EML4: variants seen among roughly 807,000 people sequenced by gnomAD.
EML4 encodes echinoderm microtubule-associated protein-like 4.
Under a neutral mutation model 129.0 loss-of-function variants are expected in EML4, and 72 were observed. The ratio of observed to expected loss-of-function variants is 0.56; its 90% CI spans 0.46 to 0.68. EML4 has a LOEUF of 0.68. Among genes scored for constraint, EML4 ranks in the 30% least tolerant of loss-of-function variants. The pLI is 0.00. For synonymous variants in EML4, 532 were observed against 405.0 expected (o/e 1.31, Z -3.77); for missense variants, 1,363 against 1,190.6 (o/e 1.14, Z -2.13).
At chr2:42,312,894 C>T (rs1186839052) in intron 17 of EML4, among the ~76,000 whole-genome samples, 1 of 149,740 alleles carries the variant, frequency 6.7e-6, no homozygotes, top group East Asian at 2.0e-4. Flanking sequence ...AACCTGGAAG[C>T]CCCCACCTAC....
At chr2:42,192,198 C>G (rs1400227379) in intron 1 of EML4, among the ~76,000 whole-genome samples, 5 of 138,412 alleles carry the variant, frequency 3.6e-5, no homozygotes, top group Admixed American at 1.4e-4. Context: ...GAAAGTTACT[C>G]TTTTCTTTGC....
chr2:42,270,824 G>A lies in EML4; in HGVS notation c.667+6093G>A, dbSNP rs138888573. 2.1e-3 allele frequency among the ~76,000 whole-genome samples: 317 copies of A among 152,330 alleles called. 2 individuals carry two copies. Among genetic ancestry groups the A allele is most frequent in the African/African-American group, 7.4e-3 (306 of 41,576 alleles). On this transcript the variant is annotated intron_variant, in intron 6 of 22. Coordinates refer to ENST00000318522, the MANE Select transcript of EML4 (RefSeq NM_019063.5). ...GAATTTAGGAAGAAGTTTGTTGAGTGTGGATAAACAGAAAGGACGGAAGAC... is the reference window on the plus strand; with the variant it reads ...GAATTTAGGAAGAAGTTTGTTGAGTATGGATAAACAGAAAGGACGGAAGAC...
At chr2:42,175,049 T>C (rs1019003309) in intron 1 of EML4, among the ~76,000 whole-genome samples, 7 of 151,914 alleles carry the variant, frequency 4.6e-5, no homozygotes, top group Non-Finnish European at 8.8e-5. Context: ...ACTCCTGACC[T>C]TGTGTGATCC....
At chr2:42,229,246 TTTAA>T (rs1274909429) in intron 1 of EML4, among the ~76,000 whole-genome samples, 3 of 152,198 alleles carry the variant, frequency 2.0e-5, no homozygotes, top group African/African-American at 7.2e-5. Flanking sequence ...ATTTATCTAA[TTTAA>T]TTTTCTATAA....
chr2:42,242,549 C>T (rs999016405), intron 1 of EML4, among the ~76,000 whole-genome samples: 1 of 151,986 alleles, frequency 6.6e-6, no homozygotes, highest in African/African-American at 2.4e-5. Flanking sequence ...AACTCTACCT[C>T]TGGGAAATTC....
chr2:42,169,798 A>C, intron 1 of EML4, 162 bp downstream of exon 1: 1 of 688,306 alleles, frequency 1.5e-6, no homozygotes, highest in Middle Eastern at 2.6e-4. Context: ...ACTCCGGTGG[A>C]CTGAGGGCCC....
chr2:42,279,320 T>C (rs1666869818), intron 6 of EML4, among the ~76,000 whole-genome samples: 1 of 152,192 alleles, frequency 6.6e-6, no homozygotes, highest in African/African-American at 2.4e-5. Context: ...AGTAGTGGGA[T>C]TGCAGCATCA....
chr2:42,269,670 A>G (rs999101606), intron 6 of EML4, among the ~76,000 whole-genome samples: 2 of 152,214 alleles, frequency 1.3e-5, no homozygotes, highest in African/African-American at 4.8e-5. Context: ...GATAACTGTA[A>G]AAAGGATTTT....
intron 1 of EML4, among the ~76,000 whole-genome samples, chr2:42,209,519 T>A (rs1672758229): frequency 6.6e-6 from 1 of 152,214 alleles, no homozygotes; most frequent in South Asian, 2.1e-4. Context: ...TAAAAAGGAT[T>A]TCCTCATAAA....
chr2:42,326,940 A>G (rs1043302679), intron 21 of EML4, among the ~76,000 whole-genome samples: 2 of 152,146 alleles, frequency 1.3e-5, no homozygotes, highest in Admixed American at 1.3e-4. Flanking sequence ...GTGACCATCA[A>G]GGTCTAATTT....
chr2:42,252,112 C>G lies in EML4; in HGVS notation c.209-4389C>G, dbSNP rs573403688. On this transcript the variant is annotated intron_variant, in intron 2 of 22. Transcript: ENST00000318522. Reference sequence around the variant, plus strand: ...AAGAAGATAATATGTACCGGAGTAGCAAGAAGGATTTCAGATTTTGAGCTT... The same window carrying G: ...AAGAAGATAATATGTACCGGAGTAGGAAGAAGGATTTCAGATTTTGAGCTT... Among the ~76,000 whole-genome samples, 19 of 152,266 alleles carry G rather than the reference C, an allele frequency of 1.2e-4. 1 individual carries two copies. The highest frequency in any genetic ancestry group is 1.2e-3 in the Admixed American group (18 of 15,292).
At chr2:42,218,580 A>T (rs1009117395) in intron 1 of EML4, among the ~76,000 whole-genome samples, 3 of 152,042 alleles carry the variant, frequency 2.0e-5, no homozygotes, top group African/African-American at 2.4e-5. Flanking sequence ...ATGTATATGG[A>T]TCTTCCTGAG....
chr2:42,221,044 T>G (rs984466474), intron 1 of EML4, among the ~76,000 whole-genome samples: 1 of 152,128 alleles, frequency 6.6e-6, no homozygotes, highest in Non-Finnish European at 1.5e-5. Context: ...AAGTGCAAGG[T>G]GAAGCAGCAG....
chr2:42,237,621 C>T (rs1197890052), intron 1 of EML4, among the ~76,000 whole-genome samples: 4 of 152,286 alleles, frequency 2.6e-5, no homozygotes, highest in Non-Finnish European at 1.5e-5. Flanking sequence ...AACCTGACTA[C>T]TGATAGCCTA....
intron 1 of EML4, among the ~76,000 whole-genome samples, chr2:42,190,063 T>C (rs1671498265): frequency 6.6e-6 from 1 of 152,080 alleles, no homozygotes; most frequent in Non-Finnish European, 1.5e-5. Context: ...ATTTTAAATT[T>C]AGAAATGCAG....
intron 19 of EML4, among the ~76,000 whole-genome samples, chr2:42,318,796 C>A (rs565218102): frequency 6.6e-6 from 1 of 151,986 alleles, no homozygotes; most frequent in South Asian, 2.1e-4. Flanking sequence ...CCTCAAACTC[C>A]TGGGCTGAAG....
chr2:42,215,272 C>G (rs1463293020), intron 1 of EML4, among the ~76,000 whole-genome samples: 1 of 152,162 alleles, frequency 6.6e-6, no homozygotes, highest in African/African-American at 2.4e-5. Flanking sequence ...ATTGCTCAGG[C>G]TGGTCTTGAA....
Position 42,326,195 on chromosome 2 carries a change from G to T in EML4, c.2284G>T (p.Asp762Tyr). 6.2e-7 allele frequency: 1 copy of T among 1,613,818 alleles called. No individual in the cohort carries two copies. The highest frequency in any genetic ancestry group is 8.5e-7 in the Non-Finnish European group (1 of 1,179,842). ...CTGCAAACTAATCAGGAATCGATCGGATTGTAAGGACATTGATTGGACGAC... is the reference window on the plus strand; with the variant it reads ...CTGCAAACTAATCAGGAATCGATCGTATTGTAAGGACATTGATTGGACGAC... ...NGCKLIRNRSDCKDIDWTTYT... is the reference protein window; with the variant it reads ...NGCKLIRNRSYCKDIDWTTYT... The change falls in exon 21 of 23, where the codon GAT (aspartate) becomes TAT (tyrosine). Residue 762 changes from aspartate (D) to tyrosine (Y), a missense_variant. Coordinates refer to ENST00000318522, the MANE Select transcript of EML4 (RefSeq NM_019063.5).
Position 42,328,906 on chromosome 2 carries a change from G to A in EML4, c.2362G>A (p.Asp788Asn). Residue 788 changes from aspartate (D) to asparagine (N), a missense_variant, in exon 22 of 23, where the codon GAT (aspartate) becomes AAT (asparagine). By Grantham distance (23) the Asp-to-Asn change is conservative. Transcript: ENST00000318522. ...QVFGVWPEGS[D>N]GTDINALVRS... is the part of the protein sequence containing the mutation. ...CAAAGGTGTCTGGCCAGAAGGATCT[G>A]ATGGGACAGATATCAATGCACTGGT... 1 of 1,612,162 alleles carries A rather than the reference G, an allele frequency of 6.2e-7. No individual in the cohort carries two copies. The highest frequency in any genetic ancestry group is 8.5e-7 in the Non-Finnish European group (1 of 1,179,030).
Sources: allele counts gnomAD v4.1 joint callset (sites outside exome capture counted in the v4.1 genomes callset), GRCh38; gene constraint gnomAD v4.1.1; transcripts MANE v1.5; gene names NCBI Gene and HGNC (gene_info 2026-07-23, HGNC 2026-07-21).